The following MAGI1 variants were observed in gnomAD, a reference collection of about 807,000 sequenced individuals.
MAGI1 encodes membrane associated guanylate kinase, WW and PDZ domain containing 1.
Under a neutral mutation model 139.9 loss-of-function variants are expected in MAGI1, and 58 were observed. The observed-to-expected ratio is 0.41, with a 90% confidence interval of 0.34 to 0.52. The LOEUF (loss-of-function observed/expected upper bound fraction) is 0.52, where lower values mean the gene tolerates loss of function less well. Among genes scored for constraint, MAGI1 ranks in the 20% least tolerant of loss-of-function variants. The pLI, the probability that MAGI1 is intolerant of heterozygous loss-of-function variation, is 0.12. For missense variants in MAGI1, 1,874 were observed against 1,901.6 expected (o/e 0.99, Z 0.27); for synonymous variants, 812 against 737.9 (o/e 1.10, Z -1.63).
intron 1 of MAGI1, among the ~76,000 whole-genome samples, chr3:65,948,652 A>G (rs2063654438): frequency 3.3e-5 from 5 of 152,236 alleles, no homozygotes. Flanking sequence ...AAAGAGAAGG[A>G]CACAATTCAA....
At chr3:65,384,017 G>C (rs929309998) in intron 14 of MAGI1, among the ~76,000 whole-genome samples, 6 of 152,240 alleles carry the variant, frequency 3.9e-5, no homozygotes, top group Non-Finnish European at 5.9e-5. Context: ...CTAAGTCAGA[G>C]TCACCTCTGA....
chr3:65,647,047 A>C (rs1337890641), intron 1 of MAGI1, among the ~76,000 whole-genome samples: 1 of 152,154 alleles, frequency 6.6e-6, no homozygotes, highest in Non-Finnish European at 1.5e-5. Flanking sequence ...AAATCAATGA[A>C]AGTAAAAACA....
At chr3:65,856,095 C>A (rs2059370401) in intron 1 of MAGI1, among the ~76,000 whole-genome samples, 1 of 152,100 alleles carries the variant, frequency 6.6e-6, no homozygotes, top group African/African-American at 2.4e-5. Flanking sequence ...ACTATGGCAA[C>A]TGAGGGACTG....
At chr3:65,435,957 C>G (rs898766622) in intron 10 of MAGI1, among the ~76,000 whole-genome samples, 7 of 152,050 alleles carry the variant, frequency 4.6e-5, no homozygotes, top group Non-Finnish European at 1.0e-4. Flanking sequence ...AAGGCATGAG[C>G]CTACAGAAGG....
At chr3:65,817,204 C>A (rs1472964917) in intron 1 of MAGI1, among the ~76,000 whole-genome samples, 12 of 152,062 alleles carry the variant, frequency 7.9e-5, no homozygotes, top group Admixed American at 7.9e-4. Context: ...TGTGCATATT[C>A]CCCAAAATTT....
chr3:65,629,376 G>C (rs2084158119), intron 1 of MAGI1, among the ~76,000 whole-genome samples: 1 of 152,250 alleles, frequency 6.6e-6, no homozygotes, highest in South Asian at 2.1e-4. Context: ...AATTAGAATT[G>C]ACACTTTAAT....
intron 3 of MAGI1, among the ~76,000 whole-genome samples, chr3:65,486,845 C>T (rs1261758729): frequency 6.6e-6 from 1 of 152,148 alleles, no homozygotes; most frequent in Non-Finnish European, 1.5e-5. Flanking sequence ...CCCTGCCCGG[C>T]AAACCTACCC....
intron 1 of MAGI1, among the ~76,000 whole-genome samples, chr3:66,027,809 G>A (rs980435786): frequency 6.6e-6 from 1 of 152,124 alleles, no homozygotes; most frequent in African/African-American, 2.4e-5. Context: ...TCTCCCTTGA[G>A]GGGCTGTTGT....
intron 1 of MAGI1, 152 bp downstream of exon 1, chr3:66,037,844 A>T: frequency 7.3e-7 from 1 of 1,371,130 alleles, no homozygotes; most frequent in Non-Finnish European, 9.8e-7. Flanking sequence ...CCTCGCAACA[A>T]CTTTGTGTAT....
Position 65,910,855 on chromosome 3 carries a change from C to CTTTTTTTTTTTTTTTTTTTTTTT in MAGI1, c.313+127140_313+127141insAAAAAAAAAAAAAAAAAAAAAAA, listed in dbSNP as rs397989928. Among the ~76,000 whole-genome samples, 11 of 59,480 alleles carry CTTTTTTTTTTTTTTTTTTTTTTT rather than the reference C, an allele frequency of 1.8e-4. 4 individuals carry two copies. Among genetic ancestry groups the CTTTTTTTTTTTTTTTTTTTTTTT allele is most frequent in the African/African-American group, 6.3e-4 (8 of 12,680 alleles). 39.0% of individuals were successfully genotyped at this position (59,480 alleles called of 152,430 possible). On this transcript the variant is annotated intron_variant, in intron 1 of 22. Coordinates refer to ENST00000402939, the MANE Select transcript of MAGI1 (RefSeq NM_001033057.2). ...TGAGGCCTCTTTCAGACATGGTGGA[C>CTTTTTTTTTTTTTTTTTTTTTTT]TTTTTTTTTTTTTTTTTTTTGAGAT...
At chr3:65,800,920 G>A (rs371666716) in intron 1 of MAGI1, among the ~76,000 whole-genome samples, 2 of 152,212 alleles carry the variant, frequency 1.3e-5, no homozygotes, top group South Asian at 2.1e-4. Context: ...AGTAAAAACC[G>A]CAGTCACTTC....
At chr3:65,735,550 G>A (rs141244981) in intron 1 of MAGI1, among the ~76,000 whole-genome samples, 51 of 152,198 alleles carry the variant, frequency 3.4e-4, no homozygotes, top group Non-Finnish European at 6.2e-4. Context: ...TCCACAGATG[G>A]TCAGACAGCA....
intron 2 of MAGI1, among the ~76,000 whole-genome samples, chr3:65,598,731 T>C (rs1257693849): frequency 6.6e-6 from 1 of 152,096 alleles, no homozygotes; most frequent in Non-Finnish European, 1.5e-5. Context: ...GATAGGATAG[T>C]GGATAGGGGG....
intron 1 of MAGI1, among the ~76,000 whole-genome samples, chr3:65,989,447 C>A (rs934799136): frequency 2.0e-5 from 3 of 152,128 alleles, no homozygotes; most frequent in Admixed American, 6.5e-5. Flanking sequence ...TGTGGAGAAC[C>A]ACTGCTATAG....
At chr3:65,776,582 T>A (rs1559871625) in intron 1 of MAGI1, among the ~76,000 whole-genome samples, 1 of 152,182 alleles carries the variant, frequency 6.6e-6, no homozygotes, top group African/African-American at 2.4e-5. Context: ...AATATCTGGT[T>A]TTCCAGGCAG....
Position 65,429,942 on chromosome 3 carries a change from A to G in MAGI1, c.1745T>C (p.Ile582Thr). ...SVAILDKEPI[I>T]VNGQETYDSP... ...ATCATAGGTCTCTTGCCCATTCACA[A>G]TAATTGGTTCTTTATCCAAAATGGC... Residue 582 changes from isoleucine (I) to threonine (T), a missense_variant, in exon 12 of 23, where the codon ATT becomes ACT. Around this residue, in one of 5 missense-constraint regions of MAGI1, gnomAD observed 86 missense variants for 130.0 expected, o/e 0.66. Transcript: ENST00000402939. 1 of 1,614,038 alleles carries G rather than the reference A, an allele frequency of 6.2e-7. No individual in the cohort carries two copies. Among genetic ancestry groups the G allele is most frequent in the South Asian group, 1.1e-5 (1 of 91,082 alleles).
chr3:65,595,102 G>C (rs2082127361), intron 2 of MAGI1, among the ~76,000 whole-genome samples: 1 of 152,154 alleles, frequency 6.6e-6, no homozygotes, highest in Admixed American at 6.5e-5. Flanking sequence ...TAAATATGGA[G>C]ATCTTATTCT....
chr3:65,384,780 G>GGGGT (rs1553638272), intron 14 of MAGI1, among the ~76,000 whole-genome samples: 2 of 147,822 alleles, frequency 1.4e-5, no homozygotes, highest in African/African-American at 2.5e-5. Context: ...TATAGGAAGG[G>GGGGT]GTGTGTGTGT....
At chr3:65,667,436 G>C (rs991207264) in intron 1 of MAGI1, among the ~76,000 whole-genome samples, 1 of 152,212 alleles carries the variant, frequency 6.6e-6, no homozygotes, top group South Asian at 2.1e-4. Context: ...AGATGCTACC[G>C]CATGAGAAGT....
Sources: gnomAD v4.1 joint callset for allele counts (sites outside exome capture counted in the v4.1 genomes callset) on GRCh38, gnomAD v4.1.1 for gene constraint, gnomAD v4.1.1 regional missense constraint, MANE v1.5 for transcripts, NCBI Gene and HGNC (gene_info 2026-07-23, HGNC 2026-07-21) for gene names.